CRYBG3: variants seen among roughly 807,000 people sequenced by gnomAD.
CRYBG3 encodes very large A-kinase anchor protein.
A neutral mutation model predicts 244.2 loss-of-function variants in CRYBG3; 127 were observed. The observed-to-expected ratio is 0.52, with a 90% CI of 0.45 to 0.60. The LOEUF is 0.60. Among genes scored for constraint, CRYBG3 ranks in the 20% least tolerant of loss-of-function variants. The probability of loss-of-function intolerance (pLI) is 0.00; values close to 1 mark genes in which losing one functional copy is unlikely to be tolerated. For synonymous variants in CRYBG3, 1,132 were observed against 1,195.8 expected, an observed-to-expected ratio of 0.95 and a Z score of 1.10; for missense variants, 3,325 against 3,442.5, an observed-to-expected ratio of 0.97 and a Z score of 0.85.
intron 17 of CRYBG3, 131 bp downstream of exon 17, chr3:97,915,867 C>G (rs2039923470): frequency 2.8e-6 from 2 of 726,088 alleles, no homozygotes; most frequent in Non-Finnish European, 4.1e-6. Flanking sequence ...ATGAATAATT[C>G]ATTTGTCAAT....
At chr3:97,880,128 A>G (rs1283869807) in intron 6 of CRYBG3, 28 bp downstream of exon 6, 1 of 1,173,196 alleles carries the variant, frequency 8.5e-7, no homozygotes, top group East Asian at 2.4e-5. Flanking sequence ...ATTTTATAGC[A>G]TATTTTCTTA....
Position 97,872,018 on chromosome 3 carries a change from T to A in CRYBG3, c.824T>A (p.Ile275Asn). Residue 275 changes from isoleucine (I) to asparagine (N), a missense_variant, in exon 4 of 22, where the codon ATT becomes AAT. Ile to Asn is a moderately radical substitution (Grantham distance 149). Around this residue, in one of 4 missense-constraint regions of CRYBG3, gnomAD observed 1,526 missense variants for 1,443.2 expected, o/e 1.06. Coordinates refer to ENST00000389622, the MANE Select transcript of CRYBG3 (RefSeq NM_153605.4). ...TNRHIDPGSE[I>N]EAGVLPLLLS... ...AGACACATTGACCCTGGAAGTGAGA[T>A]TGAGGCTGGGGTACTGCCACTGTTG... is the stretch of plus-strand genomic sequence containing the variant. 6.5e-7 allele frequency: 1 copy of A among 1,535,850 alleles called. No homozygotes were observed. Among genetic ancestry groups the A allele is most frequent in the Non-Finnish European group, 8.7e-7 (1 of 1,146,764 alleles).
rs1376202375 is a variant in CRYBG3 at position 97,822,347 on chromosome 3, C to A, written c.141C>A (p.Ser47=). 4.0e-6 allele frequency: 6 copies of A among 1,502,498 alleles called. No homozygotes were observed. In the East Asian group the frequency reaches 1.3e-4, roughly 33 times the overall value. The allele number at this position is 1,502,498 out of a possible 1,614,324, so 93.1% of individuals were successfully genotyped here. A position where few individuals can be genotyped will look rare whatever the true frequency, so the allele number is the denominator to read the frequency against. The change falls in exon 1 of 22, where the codon TCC becomes TCA. Residue 47 remains serine (S), a synonymous_variant. Transcript: ENST00000389622. ...GTSPPPAPGR[S]AASVENEPMS... ...GCCCGCCTCCAGCTCCAGGCCGGTC[C>A]GCTGCCAGGTGGGAGTCGAGGAGGG...
At position 97,876,700 on chromosome 3, in the gene CRYBG3, A is replaced by C; in HGVS notation, c.5506A>C (p.Thr1836Pro). ...AGATGTTAAAGAGACTATTGGAGCAACTGTGTCCACACCCTCTGTGATAGA... is the reference window on the plus strand; with the variant it reads ...AGATGTTAAAGAGACTATTGGAGCACCTGTGTCCACACCCTCTGTGATAGA... Reference protein sequence around the residue: ...KRDVKETIGATVSTPSVIEME... With the variant: ...KRDVKETIGAPVSTPSVIEME... The change falls in exon 4 of 22, where the codon ACT becomes CCT. Residue 1836 changes from threonine (T) to proline (P), a missense_variant. Transcript: ENST00000389622. The C allele has an allele frequency of 8.0e-7, 1 of 1,247,546 alleles. No homozygotes were observed. The highest frequency in any genetic ancestry group is 1.0e-6 in the Non-Finnish European group (1 of 997,722). The allele number at this position is 1,247,546 out of a possible 1,614,324, so 77.3% of individuals were successfully genotyped here.
chr3:97,933,332 C>A (rs1479425299), intron 17 of CRYBG3, among the ~76,000 whole-genome samples: 1 of 151,982 alleles, frequency 6.6e-6, no homozygotes, highest in East Asian at 1.9e-4. Flanking sequence ...GGGTGCCATT[C>A]CATTCCATAT....
At chr3:97,843,660 A>C (rs1299257139) in intron 2 of CRYBG3, among the ~76,000 whole-genome samples, 1 of 152,206 alleles carries the variant, frequency 6.6e-6, no homozygotes, top group Non-Finnish European at 1.5e-5. Flanking sequence ...GGAGGGCTGA[A>C]GTTAATAATC....
chr3:97,902,895 A>C (rs2039722079), intron 15 of CRYBG3, among the ~76,000 whole-genome samples: 1 of 152,176 alleles, frequency 6.6e-6, no homozygotes, highest in African/African-American at 2.4e-5. Context: ...TGTCGTCATC[A>C]TCTCTCTTAC....
In CRYBG3 at chr3:97,929,600, C is replaced by G. The variant is rs1046578385; in HGVS notation, c.8242-4094C>G. Among the ~76,000 whole-genome samples, 5 of 151,914 alleles carry G rather than the reference C, an allele frequency of 3.3e-5. No homozygotes were observed. In the South Asian group the frequency reaches 8.3e-4, roughly 25 times the overall value. On this transcript the variant is annotated intron_variant, in intron 17 of 21. Transcript: ENST00000389622. The stretch of plus-strand genomic sequence containing the variant: ...AAGCTTCAAAAACAGTAGATGTTCT[C>G]AAATGTAAAATTTGATAGTTGGACC...
chr3:97,930,738 G>A (rs1033968909), intron 17 of CRYBG3, among the ~76,000 whole-genome samples: 1 of 152,020 alleles, frequency 6.6e-6, no homozygotes, highest in Non-Finnish European at 1.5e-5. Context: ...GCTAGTGGCT[G>A]CCATATTGGA....
intron 15 of CRYBG3, among the ~76,000 whole-genome samples, chr3:97,905,059 C>CA (rs760951429): frequency 2.6e-4 from 39 of 152,248 alleles, no homozygotes; most frequent in Non-Finnish European, 5.0e-4. Flanking sequence ...CATGTCCCTA[C>CA]AAAGGACATG....
At position 97,896,055 on chromosome 3, in the gene CRYBG3, C is replaced by T. The variant is rs375519897; in HGVS notation, c.7671C>T (p.Ser2557=). 10 of 1,611,894 alleles carry T rather than the reference C, an allele frequency of 6.2e-6. No individual in the cohort carries two copies. The African/African-American group carries it at 1.2e-4, about 19-fold the overall frequency. The stretch of plus-strand genomic sequence containing the variant: ...GTAATGCTTGTGGTGCATTAAGTAG[C>T]CCTATCTTGTCTTTCCGGTACTTAC... The part of the protein sequence containing the change: ...EDSNACGALS[S]PILSFRYLQA... The change falls in exon 12 of 22, where the codon AGC becomes AGT. Residue 2557 remains serine (S), a synonymous_variant. Coordinates refer to ENST00000389622, the MANE Select transcript of CRYBG3 (RefSeq NM_153605.4).
rs906893720 is a variant in CRYBG3 at position 97,864,317 on chromosome 3, C to T, written c.317C>T (p.Ser106Leu). Residue 106 changes from serine (S) to leucine (L), a missense_variant, in exon 3 of 22, where the codon TCA (serine) becomes TTA (leucine). Around this residue, in one of 4 missense-constraint regions of CRYBG3, gnomAD observed 1,526 missense variants for 1,443.2 expected, o/e 1.06. Transcript: ENST00000389622. ...KKAYDLSSST[S>L]DTKIGESDRQ... The stretch of plus-strand genomic sequence containing the variant: ...GCATATGATCTTTCCAGTTCCACTT[C>T]AGATACCAAAATAGGAGAAAGTGAC... 4 of 1,535,754 alleles carry T rather than the reference C, an allele frequency of 2.6e-6. No individual in the cohort carries two copies. In the African/African-American group the frequency reaches 5.5e-5, roughly 21 times the overall value.
chr3:97,840,409 G>A (rs1227024047), intron 1 of CRYBG3, among the ~76,000 whole-genome samples: 1 of 152,084 alleles, frequency 6.6e-6, no homozygotes, highest in Non-Finnish European at 1.5e-5. Flanking sequence ...GCAACTTAAA[G>A]GATGTAAGTG....
At chr3:97,902,785 T>C (rs1470764299) in intron 15 of CRYBG3, among the ~76,000 whole-genome samples, 4 of 152,168 alleles carry the variant, frequency 2.6e-5, no homozygotes, top group African/African-American at 9.7e-5. Flanking sequence ...CAACTCAAGA[T>C]ATACAGGATC....
chr3:97,861,745 AG>A (rs1363942164), intron 2 of CRYBG3, among the ~76,000 whole-genome samples: 2 of 152,132 alleles, frequency 1.3e-5, no homozygotes, highest in Admixed American at 6.6e-5. Context: ...AGACAGATAT[AG>A]GGCCCGCATA....
intron 1 of CRYBG3, among the ~76,000 whole-genome samples, chr3:97,830,831 C>T (rs913667928): frequency 3.9e-5 from 6 of 152,128 alleles, no homozygotes; most frequent in African/African-American, 1.4e-4. Flanking sequence ...AGTTGGCAGG[C>T]TCTTTCACTT....
chr3:97,881,293 G>A lies in CRYBG3; in HGVS notation c.7152+74G>A, dbSNP rs546751367. ...TAGTAAACCTGTGCTGTGGCCTGGC[G>A]ATGTTTACAAATCATTGCTAATTTT... is the stretch of plus-strand genomic sequence containing the variant. On this transcript the variant is annotated intron_variant, in intron 7 of 21. Coordinates refer to ENST00000389622, the MANE Select transcript of CRYBG3 (RefSeq NM_153605.4). 26 of 1,006,178 alleles carry A rather than the reference G, an allele frequency of 2.6e-5. No homozygotes were observed. The East Asian group carries it at 4.3e-4, about 17-fold the overall frequency. 62.3% of individuals were successfully genotyped at this position (1,006,178 alleles called of 1,614,324 possible).
intron 16 of CRYBG3, 110 bp from the exon 17 acceptor site, chr3:97,915,500 C>T (rs1172623968): frequency 1.8e-6 from 2 of 1,123,858 alleles, no homozygotes; most frequent in East Asian, 2.5e-5. Flanking sequence ...TGGTGGTGCT[C>T]TGCACCACTT....
At position 97,943,580 on chromosome 3, in the gene CRYBG3, T is replaced by C; in HGVS notation, c.*266T>C. On this transcript the variant is annotated 3_prime_UTR_variant, in exon 22 of 22. Coordinates refer to ENST00000389622, the MANE Select transcript of CRYBG3 (RefSeq NM_153605.4). ...CTGATCTCCAGCTGTGGTGAGCAAGTTTCCTGAAGTGTTTATTTTCTCTCA... is the reference window on the plus strand; with the variant it reads ...CTGATCTCCAGCTGTGGTGAGCAAGCTTCCTGAAGTGTTTATTTTCTCTCA... The C allele has an allele frequency of 2.6e-6, 1 of 389,472 alleles. No homozygotes were observed. The highest frequency in any genetic ancestry group is 3.3e-5 in the South Asian group (1 of 30,662). 24.1% of individuals were successfully genotyped at this position (389,472 alleles called of 1,614,324 possible).
Sources: allele counts gnomAD v4.1 joint callset (sites outside exome capture counted in the v4.1 genomes callset), GRCh38; gene constraint gnomAD v4.1.1; regional missense constraint gnomAD v4.1.1; transcripts MANE v1.5; gene names NCBI Gene and HGNC (gene_info 2026-07-23, HGNC 2026-07-21).